ZNF787: variants seen among roughly 807,000 people sequenced by gnomAD.
ZNF787 encodes the protein TTF-I-interacting peptide 20.
A neutral mutation model predicts 16.9 loss-of-function variants in ZNF787; 7 were observed. The ratio of observed to expected loss-of-function variants is 0.42; its 90% CI spans 0.24 to 0.78. The LOEUF (loss-of-function observed/expected upper bound fraction) is 0.78, where lower values mean the gene tolerates loss of function less well. Among genes scored for constraint, ZNF787 ranks in the 30% least tolerant of loss-of-function variants. The pLI, the probability that ZNF787 is intolerant of heterozygous loss-of-function variation, is 0.30. For missense variants in ZNF787, 551 were observed against 589.3 expected (o/e 0.94, Z 0.67); for synonymous variants, 345 against 270.9 (o/e 1.27, Z -2.69).
chr19:56,116,860 A>C (rs1202657954), intron 1 of ZNF787, among the ~76,000 whole-genome samples: 1 of 152,054 alleles, frequency 6.6e-6, no homozygotes, highest in East Asian at 1.9e-4. Flanking sequence ...CCCTTCCCTC[A>C]GCTCTATCCT....
intron 1 of ZNF787, among the ~76,000 whole-genome samples, chr19:56,114,016 G>A (rs1361920428): frequency 6.6e-6 from 1 of 152,042 alleles, no homozygotes; most frequent in East Asian, 1.9e-4. Flanking sequence ...TACACTATGG[G>A]AATCATATCA....
At chr19:56,111,110 T>A (rs1269388605) in intron 1 of ZNF787, among the ~76,000 whole-genome samples, 2 of 152,198 alleles carry the variant, frequency 1.3e-5, no homozygotes, top group Non-Finnish European at 2.9e-5. Flanking sequence ...AAGCCTAAAA[T>A]GTTTACTATG....
At chr19:56,093,287 T>C (rs1985733897) in intron 2 of ZNF787, among the ~76,000 whole-genome samples, 3 of 151,686 alleles carry the variant, frequency 2.0e-5, no homozygotes, top group Admixed American at 2.0e-4. Flanking sequence ...ATGGCGAAAG[T>C]GGGATATTCC....
intron 1 of ZNF787, among the ~76,000 whole-genome samples, chr19:56,115,466 C>T (rs969637971): frequency 6.7e-6 from 1 of 149,542 alleles, no homozygotes; most frequent in East Asian, 2.0e-4. Context: ...TCACGCCATT[C>T]TCCTGCCTCA....
At chr19:56,095,486 G>T (rs780604360) in intron 2 of ZNF787, among the ~76,000 whole-genome samples, 1 of 152,112 alleles carries the variant, frequency 6.6e-6, no homozygotes, top group African/African-American at 2.4e-5. Flanking sequence ...TCTAGGAGGC[G>T]GCTTGGTTCA....
At chr19:56,104,683 C>T (rs73059959) in intron 1 of ZNF787, among the ~76,000 whole-genome samples, 2,056 of 152,264 alleles carry the variant, frequency 0.014, 29 homozygotes, top group Non-Finnish European at 0.02. Context: ...AAAGTCTCTA[C>T]GCACACCAAC....
Position 56,108,105 on chromosome 19 carries a change from G to C in ZNF787, c.-10-4878C>G, listed in dbSNP as rs565286881. 2.0e-5 allele frequency among the ~76,000 whole-genome samples: 3 copies of C among 152,254 alleles called. No homozygotes were observed. In the South Asian group the frequency reaches 6.2e-4, roughly 32 times the overall value. On this transcript the variant is annotated intron_variant, in intron 1 of 2. Coordinates refer to ENST00000610935, the MANE Select transcript of ZNF787 (RefSeq NM_001002836.4). ...GCACTGGCGGCAGCAGCCAGGAGCA[G>C]TGTCTGTGCCAGGCACAGAGCCACA... is the stretch of plus-strand genomic sequence containing the variant.
At position 56,096,259 on chromosome 19, in the gene ZNF787, A is replaced by AAT. The variant is rs1985869092; in HGVS notation, c.79+6879_79+6880insAT. Among the ~76,000 whole-genome samples, 4 of 104,428 alleles carry AAT rather than the reference A, an allele frequency of 3.8e-5. No homozygotes were observed. The South Asian group carries it at 1.1e-3, about 28-fold the overall frequency. The allele number at this position is 104,428 out of a possible 152,430, so 68.5% of individuals were successfully genotyped here. A position where few individuals can be genotyped will look rare whatever the true frequency, so the allele number is the denominator to read the frequency against. ...AATAAAAAAAATAAAAAAATAAAAA[A>AAT]AATAAAAAAACTAGCTGGGTGTGGT... On this transcript the variant is annotated intron_variant, in intron 2 of 2. Coordinates refer to ENST00000610935, the MANE Select transcript of ZNF787 (RefSeq NM_001002836.4).
At chr19:56,098,244 C>T (rs1985944873) in intron 2 of ZNF787, among the ~76,000 whole-genome samples, 1 of 152,236 alleles carries the variant, frequency 6.6e-6, no homozygotes. Flanking sequence ...CACAGTCCAA[C>T]TCCTTTCCTC....
Position 56,087,830 on chromosome 19 carries a change from G to T in ZNF787, c.*193C>A. The T allele has an allele frequency of 2.2e-6, 2 of 897,512 alleles. No individual in the cohort carries two copies. The highest frequency in any genetic ancestry group is 1.8e-5 in the African/African-American group (1 of 57,022). 55.6% of individuals were successfully genotyped at this position (897,512 alleles called of 1,614,324 possible). A position where few individuals can be genotyped will look rare whatever the true frequency, so the allele number is the denominator to read the frequency against. The stretch of plus-strand genomic sequence containing the variant: ...GCTGAGGGGGCAGAGTCTCGAGGCG[G>T]AGAAGTGAACGGGCCCTAATACGCC... On this transcript the variant is annotated 3_prime_UTR_variant, in exon 3 of 3. Coordinates refer to ENST00000610935, the MANE Select transcript of ZNF787 (RefSeq NM_001002836.4).
At chr19:56,092,016 ACCGAAGCCGAAGCCGAAG>A (rs150722212) in intron 2 of ZNF787, among the ~76,000 whole-genome samples, 95 of 145,010 alleles carry the variant, frequency 6.6e-4, no homozygotes, top group East Asian at 5.5e-3. Context: ...CAAAGCCGAA[ACCGAAGCCGAAGCCGAAG>A]CCGAAGCCGA....
At chr19:56,107,434 G>A (rs1568532103) in intron 1 of ZNF787, among the ~76,000 whole-genome samples, 1 of 152,156 alleles carries the variant, frequency 6.6e-6, no homozygotes, top group Non-Finnish European at 1.5e-5. Flanking sequence ...GGGGTCACCA[G>A]AAGACATAAG....
intron 1 of ZNF787, among the ~76,000 whole-genome samples, chr19:56,116,574 A>G (rs766629495): frequency 1.1e-4 from 16 of 152,258 alleles, no homozygotes; most frequent in Non-Finnish European, 1.9e-4. Context: ...ATATATACAT[A>G]TATGAAATAA....
intron 1 of ZNF787, among the ~76,000 whole-genome samples, chr19:56,110,987 C>T (rs988796438): frequency 5.3e-5 from 8 of 152,190 alleles, no homozygotes; most frequent in Admixed American, 3.3e-4. Context: ...TGACCCCGGG[C>T]GGGGAGCGCT....
intron 2 of ZNF787, chr19:56,102,643 T>C (rs619934): frequency 0.95 from 441,008 of 465,078 alleles, 211,116 homozygotes; most frequent in African/African-American, 0.99. Flanking sequence ...CTGAAAAGTC[T>C]GCGTCAGCCT....
Position 56,101,047 on chromosome 19 carries a change from T to C in ZNF787, c.79+2092A>G, listed in dbSNP as rs1334366538. On this transcript the variant is annotated intron_variant, in intron 2 of 2. Coordinates refer to ENST00000610935, the MANE Select transcript of ZNF787 (RefSeq NM_001002836.4). Reference sequence around the variant, plus strand: ...ACCTACGAAGTCTGTCACTGTCACATAGGAGGGACGCACGTAAGTGGGACC... The same window carrying C: ...ACCTACGAAGTCTGTCACTGTCACACAGGAGGGACGCACGTAAGTGGGACC... Among the ~76,000 whole-genome samples the C allele has an allele frequency of 4.1e-5, 5 of 121,626 alleles. 2 individuals carry two copies. The highest frequency in any genetic ancestry group is 1.7e-4 in the Admixed American group (2 of 11,692). 79.8% of individuals were successfully genotyped at this position (121,626 alleles called of 152,430 possible).
chr19:56,121,220 C>A lies in ZNF787; in HGVS notation c.-59G>T, dbSNP rs566793461. The A allele has an allele frequency of 1.3e-5, 2 of 150,034 alleles. No homozygotes were observed. The highest frequency in any genetic ancestry group is 4.2e-4 in the South Asian group (2 of 4,708). 9.3% of individuals were successfully genotyped at this position (150,034 alleles called of 1,614,324 possible). A position where few individuals can be genotyped will look rare whatever the true frequency, so the allele number is the denominator to read the frequency against. The stretch of plus-strand genomic sequence containing the variant: ...GCCGCACTCCTCCTCCTCTCTCCTG[C>A]CTCGCGGATGGTGGCAGCGGCGGCA... On this transcript the variant is annotated 5_prime_UTR_variant, in exon 1 of 3. Transcript: ENST00000610935.
intron 2 of ZNF787, among the ~76,000 whole-genome samples, chr19:56,094,187 C>CTTTTTTTTTT (rs572443571): frequency 1.9e-5 from 2 of 105,474 alleles, no homozygotes; most frequent in Non-Finnish European, 3.7e-5. Flanking sequence ...TCATGCCCGG[C>CTTTTTTTTTT]TTTTTTTTTT....
intron 1 of ZNF787, among the ~76,000 whole-genome samples, chr19:56,113,190 C>T (rs780472558): frequency 1.3e-5 from 2 of 152,112 alleles, no homozygotes; most frequent in Non-Finnish European, 2.9e-5. Flanking sequence ...GCAGACCAAA[C>T]CCACAGGGAG....
Sources: gnomAD v4.1 joint callset for allele counts (sites outside exome capture counted in the v4.1 genomes callset) on GRCh38, gnomAD v4.1.1 for gene constraint, MANE v1.5 for transcripts, NCBI Gene and HGNC (gene_info 2026-07-23, HGNC 2026-07-21) for gene names.